NAV1: variants seen among roughly 807,000 people sequenced by gnomAD.
The protein encoded by NAV1 is pore membrane and/or filament interacting like protein 3.
Under a neutral mutation model 175.2 loss-of-function variants are expected in NAV1, and 18 were observed. That is an observed-to-expected ratio of 0.10 (90% confidence interval 0.07 to 0.15). The LOEUF is 0.15. Among genes scored for constraint, NAV1 ranks in the 10% least tolerant of loss-of-function variants. NAV1 has a pLI of 1.00. For synonymous variants in NAV1, 897 were observed against 978.7 expected, an observed-to-expected ratio of 0.92 and a Z score of 1.56; for missense variants, 1,731 against 2,436.6, an observed-to-expected ratio of 0.71 and a Z score of 6.10.
chr1:201,585,971 C>T (rs1667015710), intron 1 of NAV1, among the ~76,000 whole-genome samples: 1 of 152,154 alleles, frequency 6.6e-6, no homozygotes, highest in African/African-American at 2.4e-5. Context: ...TCTCAGTAGA[C>T]ACCCAAAAGA....
chr1:201,791,791 A>G (rs1469097263), intron 13 of NAV1: 5 of 152,150 alleles, frequency 3.3e-5, no homozygotes, highest in East Asian at 1.9e-4. Flanking sequence ...CAAACCCTCA[A>G]TTCATAAGTT....
At chr1:201,669,905 C>A (rs1669970072) in intron 1 of NAV1, among the ~76,000 whole-genome samples, 1 of 152,022 alleles carries the variant, frequency 6.6e-6, no homozygotes, top group African/African-American at 2.4e-5. Flanking sequence ...AGTGAGGTTT[C>A]TGGTGACACC....
intron 28 of NAV1, among the ~76,000 whole-genome samples, chr1:201,814,119 G>A (rs911400125): frequency 6.6e-6 from 1 of 151,954 alleles, no homozygotes; most frequent in Non-Finnish European, 1.5e-5. Flanking sequence ...GGTAGCTCTC[G>A]CCTGTAATCC....
intron 17 of NAV1, 23 bp downstream of exon 21, chr1:201,804,520 C>T (rs1378883733): frequency 6.5e-7 from 1 of 1,542,968 alleles, no homozygotes; most frequent in Admixed American, 2.0e-5. Context: ...GTTCCTATCC[C>T]CTTATTTTCT....
chr1:201,803,226 A>G (rs1678054271), intron 15 of NAV1, among the ~76,000 whole-genome samples: 1 of 152,224 alleles, frequency 6.6e-6, no homozygotes, highest in African/African-American at 2.4e-5. Context: ...TTGGACCACC[A>G]GATAGCTAAG....
At chr1:201,649,340 G>A (rs775580065) in exon 1 of NAV1, 1 of 1,611,348 alleles carries the variant, frequency 6.2e-7, no homozygotes, top group South Asian at 1.1e-5. Flanking sequence ...AGGGCCAGGA[G>A]GAGCGCGCCT....
Position 201,649,236 on chromosome 1 carries a change from G to A in NAV1, c.568G>A (p.Glu190Lys), listed in dbSNP as rs892453421. ...GGTCAAGCCGCTCAGCAAGGCGCCT[G>A]AAGCGGCCGTGAGCGAAGATGGCAA... is the stretch of plus-strand genomic sequence containing the variant. The change falls in exon 1 of 30, where the codon GAA (glutamate) becomes AAA (lysine). Residue 190 changes from glutamate to lysine, a missense_variant. By Grantham distance (56) the Glu-to-Lys change is moderately conservative. This residue lies in a region of NAV1 where 487 missense variants were observed against 581.3 expected (regional missense o/e 0.84). Transcript: ENST00000367296. 3 of 1,613,038 alleles carry A rather than the reference G, an allele frequency of 1.9e-6. No homozygotes were observed. The Admixed American group carries it at 5.0e-5, about 27-fold the overall frequency.
At chr1:201,650,796 T>A (rs1669172696) in intron 1 of NAV1, among the ~76,000 whole-genome samples, 1 of 152,038 alleles carries the variant, frequency 6.6e-6, no homozygotes, top group Non-Finnish European at 1.5e-5. Context: ...GCAGGGGCAA[T>A]CAGGAGACTG....
At position 201,756,711 on chromosome 1, in the gene NAV1, G is replaced by A. The variant is rs141752152; in HGVS notation, c.1227-23710G>A. On this transcript the variant is annotated intron_variant, in intron 3 of 29. Transcript: ENST00000367296. ...GAAAAATTCCTTCTCCAGACCAATA[G>A]GTTTTCTTCTCCAGCACATCCCACA... Among the ~76,000 whole-genome samples, 105 of 152,262 alleles carry A rather than the reference G, an allele frequency of 6.9e-4. 2 individuals are homozygous for A. The highest frequency in any genetic ancestry group is 2.4e-3 in the African/African-American group (100 of 41,558).
At chr1:201,816,933 C>A in intron 28 of NAV1, 155 bp from the exon 33 acceptor site, 1 of 653,586 alleles carries the variant, frequency 1.5e-6, no homozygotes, top group Non-Finnish European at 2.6e-6. Flanking sequence ...CTTGGCCTCC[C>A]TAAATGCTGG....
chr1:201,651,452 G>A (rs1669202035), intron 1 of NAV1, among the ~76,000 whole-genome samples: 1 of 152,102 alleles, frequency 6.6e-6, no homozygotes, highest in South Asian at 2.1e-4. Flanking sequence ...GAGAGGAGGA[G>A]AAGCTGAGCT....
intron 2 of NAV1, among the ~76,000 whole-genome samples, chr1:201,717,592 C>G (rs973530003): frequency 2.0e-5 from 3 of 152,244 alleles, no homozygotes; most frequent in African/African-American, 4.8e-5. Context: ...CCTGGTCTAG[C>G]AGGGCCTGAG....
At chr1:201,747,537 G>C (rs1274512958) in intron 3 of NAV1, among the ~76,000 whole-genome samples, 1 of 152,162 alleles carries the variant, frequency 6.6e-6, no homozygotes. Context: ...AGACACAGTG[G>C]CGAAGACAGC....
intron 1 of NAV1, among the ~76,000 whole-genome samples, chr1:201,705,585 G>A (rs181897313): frequency 5.3e-5 from 8 of 152,294 alleles, no homozygotes; most frequent in East Asian, 1.9e-4. Flanking sequence ...GCCATGCTGC[G>A]GGGGTTCGGT....
chr1:201,556,184 G>T (rs1040520417), intron 1 of NAV1, among the ~76,000 whole-genome samples: 1 of 152,090 alleles, frequency 6.6e-6, no homozygotes, highest in African/African-American at 2.4e-5. Flanking sequence ...GGCCAAGGTG[G>T]GTAGATTGTT....
chr1:201,642,059 CTT>C, intron 2 of NAV1, among the ~76,000 whole-genome samples: 1 of 146,556 alleles, frequency 6.8e-6, no homozygotes, highest in African/African-American at 2.5e-5. Context: ...CTTCCCTTTT[CTT>C]TCTTTTTTTC....
At chr1:201,554,861 G>C (rs936364255) in intron 1 of NAV1, among the ~76,000 whole-genome samples, 1 of 152,178 alleles carries the variant, frequency 6.6e-6, no homozygotes, top group Non-Finnish European at 1.5e-5. Flanking sequence ...TGAAATCGAG[G>C]TGTTGGCAGG....
At chr1:201,805,987 C>T (rs1678251291) in intron 17 of NAV1, among the ~76,000 whole-genome samples, 1 of 117,320 alleles carries the variant, frequency 8.5e-6, no homozygotes, top group African/African-American at 3.4e-5. Flanking sequence ...CTCTCTCTCT[C>T]TCTTTTTTTT....
At chr1:201,792,173 A>G (rs504988) in intron 13 of NAV1, 78,110 of 151,424 alleles carry the variant, frequency 0.52, 23,464 homozygotes, top group East Asian at 0.66. Flanking sequence ...TCTGCATCTT[A>G]AAGGCAGATT....
Sources: gnomAD v4.1 joint callset for allele counts (sites outside exome capture counted in the v4.1 genomes callset) on GRCh38, gnomAD v4.1.1 for gene constraint, gnomAD v4.1.1 regional missense constraint, MANE v1.5 for transcripts, NCBI Gene and HGNC (gene_info 2026-07-23, HGNC 2026-07-21) for gene names.